Variants in SLC8A3 observed in about 807,000 individuals in gnomAD.
The protein encoded by SLC8A3 is sodium/calcium exchanger 3.
In SLC8A3, 37 loss-of-function variants were observed where a neutral mutation model predicts 65.4. The ratio of observed to expected loss-of-function variants is 0.57; its 90% CI spans 0.44 to 0.74. SLC8A3 has a LOEUF of 0.74. SLC8A3 is among the 30% of genes least tolerant of loss of function. The probability of loss-of-function intolerance (pLI) is 0.00; values close to 1 mark genes in which losing one functional copy is unlikely to be tolerated. For missense variants in SLC8A3, 1,112 were observed against 1,172.1 expected (o/e 0.95, Z 0.75); for synonymous variants, 461 against 444.5 (o/e 1.04, Z -0.47).
intron 2 of SLC8A3, among the ~76,000 whole-genome samples, chr14:70,126,547 T>TTCTCTC (rs36183214): frequency 0.016 from 1,915 of 117,976 alleles, 20 homozygotes; most frequent in South Asian, 0.043. Flanking sequence ...AGAAAGAAAA[T>TTCTCTC]TCTCTCTCTC....
rs536690692 is a variant in SLC8A3, at chr14:70,188,728, G to A, written c.-412C>T. Reference sequence around the variant, plus strand: ...CGGTGACTGGAATCTACGCCCGGGAGAGGCCCGGAGTCCCGGCCGCGGGCG... The same window carrying A: ...CGGTGACTGGAATCTACGCCCGGGAAAGGCCCGGAGTCCCGGCCGCGGGCG... On this transcript the variant is annotated 5_prime_UTR_variant, in exon 1 of 7. Transcript: ENST00000356921. 5 of 152,272 alleles carry A rather than the reference G, an allele frequency of 3.3e-5. No homozygotes were observed. In the South Asian group the frequency reaches 1.0e-3, roughly 32 times the overall value. 9.4% of individuals were successfully genotyped at this position (152,272 alleles called of 1,614,324 possible). A position where few individuals can be genotyped will look rare whatever the true frequency, so the allele number is the denominator to read the frequency against.
At chr14:70,064,408 TC>T (rs147078736) in intron 2 of SLC8A3, among the ~76,000 whole-genome samples, 3,629 of 152,178 alleles carry the variant, frequency 0.024, 136 homozygotes, top group African/African-American at 0.083. Context: ...CTGACGTTGA[TC>T]CAAATGGTTT....
chr14:70,059,596 G>T (rs969910999), intron 3 of SLC8A3, among the ~76,000 whole-genome samples: 4 of 152,136 alleles, frequency 2.6e-5, no homozygotes, highest in African/African-American at 9.7e-5. Flanking sequence ...TACCCTGGTT[G>T]CAACATAATC....
chr14:70,059,593 G>C (rs1888542999), intron 3 of SLC8A3, among the ~76,000 whole-genome samples: 1 of 152,050 alleles, frequency 6.6e-6, no homozygotes, highest in Admixed American at 6.5e-5. Flanking sequence ...TTCTACCCTG[G>C]TTGCAACATA....
At chr14:70,181,416 G>C (rs1281815559) in intron 1 of SLC8A3, among the ~76,000 whole-genome samples, 1 of 150,558 alleles carries the variant, frequency 6.6e-6, no homozygotes, top group Non-Finnish European at 1.5e-5. Flanking sequence ...GTGACATAGA[G>C]TGGGAGACAG....
intron 2 of SLC8A3, among the ~76,000 whole-genome samples, chr14:70,100,232 G>T (rs1594982514): frequency 1.3e-5 from 2 of 152,182 alleles, no homozygotes; most frequent in East Asian, 3.9e-4. Context: ...TGAGGTCAAG[G>T]TTAAACCTGG....
At chr14:70,183,601 A>C (rs966673754) in intron 1 of SLC8A3, among the ~76,000 whole-genome samples, 2 of 152,246 alleles carry the variant, frequency 1.3e-5, no homozygotes, top group Non-Finnish European at 2.9e-5. Context: ...TAGAGGGCCC[A>C]TTCAAAACAC....
At chr14:70,183,195 C>T (rs571954014) in intron 1 of SLC8A3, among the ~76,000 whole-genome samples, 4 of 152,282 alleles carry the variant, frequency 2.6e-5, no homozygotes, top group African/African-American at 9.6e-5. Context: ...ATTTGTCCTT[C>T]CAAATATCAA....
chr14:70,060,254 A>T (rs988444228), intron 3 of SLC8A3: 21 of 188,228 alleles, frequency 1.1e-4, no homozygotes, highest in Admixed American at 5.0e-4. Flanking sequence ...CGTTCAAAGG[A>T]AGTTGGGGAA....
chr14:70,173,238 G>A (rs1486298359), intron 1 of SLC8A3, among the ~76,000 whole-genome samples: 2 of 152,186 alleles, frequency 1.3e-5, no homozygotes, highest in Non-Finnish European at 2.9e-5. Flanking sequence ...ACAGGAGCAG[G>A]AAGGTCAGAT....
In SLC8A3 at chr14:70,046,467, T is replaced by A; in HGVS notation, c.2390-144A>T. ...GGGCTAGGGGGCCACTCCTAACTCCTAGTTCTGCCGCAAGCAAGCCGTGTG... is the reference window on the plus strand; with the variant it reads ...GGGCTAGGGGGCCACTCCTAACTCCAAGTTCTGCCGCAAGCAAGCCGTGTG... On this transcript the variant is annotated intron_variant, in intron 6 of 6. Coordinates refer to ENST00000356921, the MANE Select transcript of SLC8A3 (RefSeq NM_182932.3). This position sits in a 1 kb window ranked among gnomAD's most constrained non-coding sequence, Gnocchi z 4.2. 1.3e-6 allele frequency: 1 copy of A among 786,876 alleles called. No individual in the cohort carries two copies. Among genetic ancestry groups the A allele is most frequent in the Non-Finnish European group, 2.0e-6 (1 of 507,702 alleles). The allele number at this position is 786,876 out of a possible 1,614,324, so 48.7% of individuals were successfully genotyped here. A position where few individuals can be genotyped will look rare whatever the true frequency, so the allele number is the denominator to read the frequency against.
intron 2 of SLC8A3, among the ~76,000 whole-genome samples, chr14:70,142,430 T>C (rs1895639195): frequency 6.6e-6 from 1 of 152,212 alleles, no homozygotes; most frequent in Non-Finnish European, 1.5e-5. Context: ...AGATACAACG[T>C]CCATACAACT....
At chr14:70,118,247 C>G (rs1893792352) in intron 2 of SLC8A3, among the ~76,000 whole-genome samples, 1 of 152,196 alleles carries the variant, frequency 6.6e-6, no homozygotes, top group African/African-American at 2.4e-5. Flanking sequence ...TTACTTATTA[C>G]CCAACAAGCT....
At chr14:70,061,729 T>C (rs1888827170) in intron 2 of SLC8A3, among the ~76,000 whole-genome samples, 1 of 152,182 alleles carries the variant, frequency 6.6e-6, no homozygotes, top group Non-Finnish European at 1.5e-5. Context: ...TGGGAAAATG[T>C]GAAGAAAATG....
chr14:70,091,604 G>A (rs1891808369), intron 2 of SLC8A3, among the ~76,000 whole-genome samples: 1 of 152,138 alleles, frequency 6.6e-6, no homozygotes, highest in East Asian at 1.9e-4. Flanking sequence ...TGGTGTCGGA[G>A]CCACGCACCC....
Position 70,045,692 on chromosome 14 carries a change from A to G in SLC8A3, c.*255T>C, listed in dbSNP as rs1886680823. The G allele has an allele frequency of 2.7e-6, 1 of 370,104 alleles. No homozygotes were observed. The highest frequency in any genetic ancestry group is 4.1e-5 in the Admixed American group (1 of 24,648). 22.9% of individuals were successfully genotyped at this position (370,104 alleles called of 1,614,324 possible). A position where few individuals can be genotyped will look rare whatever the true frequency, so the allele number is the denominator to read the frequency against. ...GGGATATGAGGGGGAGATGGGGTGG[A>G]GGTGGATTTGTTGCTGTTGCTTGTT... On this transcript the variant is annotated 3_prime_UTR_variant, in exon 7 of 7. Coordinates refer to ENST00000356921, the MANE Select transcript of SLC8A3 (RefSeq NM_182932.3).
chr14:70,180,746 C>A (rs1882680257), intron 1 of SLC8A3, among the ~76,000 whole-genome samples: 1 of 152,166 alleles, frequency 6.6e-6, no homozygotes, highest in Non-Finnish European at 1.5e-5. Flanking sequence ...GATAGGATGT[C>A]TGGAACATTT....
In SLC8A3 at chr14:70,168,028, G is replaced by C. The variant is rs761049770; in HGVS notation, c.395C>G (p.Thr132Ser). The change falls in exon 2 of 7, where the codon ACT becomes AGT. Residue 132 changes from threonine (T) to serine (S), a missense_variant. Thr to Ser is a moderately conservative substitution (Grantham distance 58). Transcript: ENST00000356921. Reference sequence around the variant, plus strand: ...GGCCATAAGGGTCAGGTTGGAGACAGTTTCATTCCAGACCCGAATAGTGGT... The same window carrying C: ...GGCCATAAGGGTCAGGTTGGAGACACTTTCATTCCAGACCCGAATAGTGGT... ...STTTIRVWNETVSNLTLMALG... is the reference protein window; with the variant it reads ...STTTIRVWNESVSNLTLMALG... 1.2e-6 allele frequency: 2 copies of C among 1,614,168 alleles called. No individual in the cohort carries two copies. Among genetic ancestry groups the C allele is most frequent in the South Asian group, 2.2e-5 (2 of 91,078 alleles).
intron 2 of SLC8A3, among the ~76,000 whole-genome samples, chr14:70,122,588 TG>T (rs1464669380): frequency 3.9e-5 from 6 of 152,240 alleles, no homozygotes; most frequent in African/African-American, 1.4e-4. Context: ...GGGCATATCT[TG>T]TGATATATTG....
Sources: allele counts gnomAD v4.1 joint callset (sites outside exome capture counted in the v4.1 genomes callset), GRCh38; gene constraint gnomAD v4.1.1; non-coding constraint Gnocchi (gnomAD v3.1); transcripts MANE v1.5; gene names NCBI Gene and HGNC (gene_info 2026-07-23, HGNC 2026-07-21).